UNC13C: variants seen among roughly 807,000 people sequenced by gnomAD.
UNC13C encodes the protein protein unc-13 homolog C.
A neutral mutation model predicts 245.4 loss-of-function variants in UNC13C; 174 were observed. That is an observed-to-expected ratio of 0.71 (90% CI 0.63 to 0.80). The LOEUF (loss-of-function observed/expected upper bound fraction) is 0.80, where lower values mean the gene tolerates loss of function less well. Among genes scored for constraint, UNC13C ranks in the 30% least tolerant of loss-of-function variants. The pLI, the probability that UNC13C is intolerant of heterozygous loss-of-function variation, is 0.00. For synonymous variants in UNC13C, 992 were observed against 895.1 expected, an observed-to-expected ratio of 1.11 and a Z score of -1.93; for missense variants, 2,829 against 2,602.9, an observed-to-expected ratio of 1.09 and a Z score of -1.89.
intron 10 of UNC13C, among the ~76,000 whole-genome samples, chr15:54,275,121 G>A (rs563674573): frequency 1.3e-5 from 2 of 152,124 alleles, no homozygotes; most frequent in South Asian, 2.1e-4. Context: ...TAAATGCCCC[G>A]AATAAAAGGC....
At chr15:54,530,761 C>CT (rs1275243466) in intron 25 of UNC13C, among the ~76,000 whole-genome samples, 1 of 152,030 alleles carries the variant, frequency 6.6e-6, no homozygotes. Flanking sequence ...TCAGAGAATT[C>CT]TAAGAACACC....
At chr15:54,451,683 A>T (rs887832611) in intron 19 of UNC13C, among the ~76,000 whole-genome samples, 4 of 151,910 alleles carry the variant, frequency 2.6e-5, no homozygotes, top group African/African-American at 7.3e-5. Flanking sequence ...ATTTCTTTGT[A>T]TTAGTTATCT....
intron 1 of UNC13C, among the ~76,000 whole-genome samples, chr15:53,992,259 C>T (rs1894425189): frequency 6.6e-6 from 1 of 152,104 alleles, no homozygotes; most frequent in Middle Eastern, 3.4e-3. Flanking sequence ...ATGTGCTTTC[C>T]CAATTCCTAC....
At chr15:54,398,442 A>G (rs1350780494) in intron 18 of UNC13C, among the ~76,000 whole-genome samples, 1 of 151,226 alleles carries the variant, frequency 6.6e-6, no homozygotes, top group Non-Finnish European at 1.5e-5. Context: ...TGTCTTTTAT[A>G]TCAATGTAAT....
intron 2 of UNC13C, among the ~76,000 whole-genome samples, chr15:54,067,714 C>T (rs527268539): frequency 2.0e-4 from 31 of 152,304 alleles, no homozygotes; most frequent in African/African-American, 7.5e-4. Context: ...GATATTCAGA[C>T]TTACGTCATT....
chr15:54,593,187 G>A (rs1462384965), intron 30 of UNC13C, among the ~76,000 whole-genome samples: 1 of 152,194 alleles, frequency 6.6e-6, no homozygotes, highest in East Asian at 1.9e-4. Context: ...CTGTTAATCT[G>A]ATAGGTTTTC....
intron 18 of UNC13C, among the ~76,000 whole-genome samples, chr15:54,405,854 T>G (rs2040280538): frequency 6.6e-6 from 1 of 152,194 alleles, no homozygotes; most frequent in Non-Finnish European, 1.5e-5. Flanking sequence ...CAAATGTTAC[T>G]AAGTTATATT....
At chr15:53,998,579 T>A (rs1894741151) in intron 1 of UNC13C, among the ~76,000 whole-genome samples, 1 of 152,118 alleles carries the variant, frequency 6.6e-6, no homozygotes, top group South Asian at 2.1e-4. Flanking sequence ...CAATTTAATT[T>A]TTTTCCTTTC....
chr15:54,423,159 T>A (rs901412184), intron 19 of UNC13C, among the ~76,000 whole-genome samples: 3 of 151,728 alleles, frequency 2.0e-5, no homozygotes, highest in African/African-American at 7.2e-5. Context: ...TATGTATATA[T>A]ATTTAAATTC....
chr15:54,548,748 A>G (rs1192298152), intron 27 of UNC13C, among the ~76,000 whole-genome samples: 1 of 152,164 alleles, frequency 6.6e-6, no homozygotes, highest in East Asian at 1.9e-4. Context: ...GGTTTTCCCT[A>G]GGAAAGCTTA....
intron 1 of UNC13C, among the ~76,000 whole-genome samples, chr15:54,011,220 C>T (rs377128186): frequency 6.6e-6 from 1 of 152,046 alleles, no homozygotes; most frequent in South Asian, 2.1e-4. Context: ...CTGTGGACAC[C>T]TGTTCCTGAG....
At chr15:53,889,811 C>G in the UNC13C span, among the ~76,000 whole-genome samples, 3 of 152,136 alleles carry the variant, frequency 2.0e-5, no homozygotes, top group African/African-American at 7.2e-5. Flanking sequence ...TTGAGATAAT[C>G]ACGTGGTTTT....
chr15:54,552,461 TATATTA>T (rs1327760389), intron 28 of UNC13C, among the ~76,000 whole-genome samples: 1 of 21,122 alleles, frequency 4.7e-5, no homozygotes, highest in Non-Finnish European at 6.9e-5. Context: ...AATATAATTA[TATATTA>T]CAATATATAA....
intron 2 of UNC13C, among the ~76,000 whole-genome samples, chr15:54,116,531 T>G (rs2030260433): frequency 6.6e-6 from 1 of 152,184 alleles, no homozygotes; most frequent in Admixed American, 6.5e-5. Context: ...ATGCAATATT[T>G]GTCTTTCTGT....
intron 2 of UNC13C, among the ~76,000 whole-genome samples, chr15:54,074,260 A>G (rs1366350615): frequency 6.6e-6 from 1 of 152,190 alleles, no homozygotes; most frequent in Non-Finnish European, 1.5e-5. Context: ...TACCACTACC[A>G]TGCTGTTTTG....
chr15:54,265,529 T>C, intron 10 of UNC13C, 33 bp downstream of exon 10: 2 of 1,407,058 alleles, frequency 1.4e-6, no homozygotes, highest in Non-Finnish European at 1.9e-6. Context: ...TTACAAATAT[T>C]AAATTATTTA....
At chr15:54,535,584 A>G (rs998479800) in intron 26 of UNC13C, among the ~76,000 whole-genome samples, 3 of 152,146 alleles carry the variant, frequency 2.0e-5, no homozygotes, top group East Asian at 1.9e-4. Flanking sequence ...TCTAAAATCA[A>G]TCACACAATC....
At chr15:54,200,973 G>A (rs984037514) in intron 4 of UNC13C, among the ~76,000 whole-genome samples, 14 of 151,920 alleles carry the variant, frequency 9.2e-5, no homozygotes, top group African/African-American at 3.1e-4. Flanking sequence ...AGTTAGAAAC[G>A]AAACGTGAGA....
chr15:54,218,686 T>C (rs1245209787), intron 4 of UNC13C, among the ~76,000 whole-genome samples: 1 of 151,884 alleles, frequency 6.6e-6, no homozygotes, highest in Non-Finnish European at 1.5e-5. Flanking sequence ...CATGCTTAGA[T>C]TTTGTGTTAT....
Sources: gnomAD v4.1 joint callset for allele counts (sites outside exome capture counted in the v4.1 genomes callset) on GRCh38, gnomAD v4.1.1 for gene constraint, MANE v1.5 for transcripts, NCBI Gene and HGNC (gene_info 2026-07-23, HGNC 2026-07-21) for gene names.